The following EML1 variants were observed in gnomAD, a reference collection of about 807,000 sequenced individuals.
EML1 encodes EMAP like 1, also known as echinoderm microtubule-associated protein-like 1.
EML1 carries 27 observed loss-of-function variants against 110.4 expected under a neutral mutation model. The observed-to-expected ratio is 0.24, with a 90% CI of 0.18 to 0.34. The LOEUF (loss-of-function observed/expected upper bound fraction) is 0.34, where lower values mean the gene tolerates loss of function less well. Among genes scored for constraint, EML1 ranks in the 10% least tolerant of loss-of-function variants. EML1 has a pLI of 1.00. For missense variants in EML1, 741 were observed against 1,030.9 expected, an observed-to-expected ratio of 0.72 and a Z score of 3.85; for synonymous variants, 344 against 385.8, an observed-to-expected ratio of 0.89 and a Z score of 1.27.
At position 99,830,704 on chromosome 14, in the gene EML1, C is replaced by T. The variant is rs2058436037; in HGVS notation, c.68-20149C>T. ...TAGCTGGGATTACAGGCACCCACCACCGCCCCCAGCTAAGTTTTGTATTTT... is the reference window on the plus strand; with the variant it reads ...TAGCTGGGATTACAGGCACCCACCATCGCCCCCAGCTAAGTTTTGTATTTT... On this transcript the variant is annotated intron_variant, in intron 1 of 21. Transcript: ENST00000262233. Among the ~76,000 whole-genome samples the T allele has an allele frequency of 3.9e-5, 6 of 152,218 alleles. No individual in the cohort carries two copies. The South Asian group carries it at 1.2e-3, about 32-fold the overall frequency.
upstream of EML1, among the ~76,000 whole-genome samples, chr14:99,770,765 A>C (rs985014193): frequency 8.1e-5 from 11 of 135,094 alleles, no homozygotes; most frequent in Non-Finnish European, 1.7e-4. Context: ...TCTTCCTTAC[A>C]GCAGTTTCCG....
chr14:99,764,648 G>A (rs1216038215), intron 1 of EML1, among the ~76,000 whole-genome samples: 2 of 152,236 alleles, frequency 1.3e-5, no homozygotes, highest in African/African-American at 4.8e-5. Context: ...CCGCTGCAAG[G>A]AGAGAAGGAG....
At chr14:99,917,695 TTG>T in intron 15 of EML1, 85 bp from the exon 16 acceptor site, 1 of 1,306,932 alleles carries the variant, frequency 7.7e-7, no homozygotes, top group Non-Finnish European at 1.1e-6. Flanking sequence ...GTGTGAGCGT[TTG>T]TGTGTGCACG....
At chr14:99,832,883 CT>C (rs1566888397) in intron 1 of EML1, among the ~76,000 whole-genome samples, 1 of 151,830 alleles carries the variant, frequency 6.6e-6, no homozygotes, top group South Asian at 2.1e-4. Context: ...CCATTTTTTT[CT>C]TTTTTAAAAA....
At chr14:99,867,368 T>A (rs1315376497) in intron 3 of EML1, among the ~76,000 whole-genome samples, 1 of 152,236 alleles carries the variant, frequency 6.6e-6, no homozygotes, top group Non-Finnish European at 1.5e-5. Context: ...TGCAAAAAAA[T>A]GCCTTTGGGA....
chr14:99,887,671 A>T (rs1485557355), intron 4 of EML1, among the ~76,000 whole-genome samples: 1 of 152,180 alleles, frequency 6.6e-6, no homozygotes, highest in African/African-American at 2.4e-5. Context: ...TTGAGAAGCG[A>T]TCATCTCCCA....
chr14:99,875,155 A>C (rs1241131579), intron 3 of EML1, among the ~76,000 whole-genome samples: 2 of 152,170 alleles, frequency 1.3e-5, no homozygotes, highest in Non-Finnish European at 1.5e-5. Context: ...TAGATGCTCA[A>C]CTGGTCCTCC....
intron 5 of EML1, 84 bp downstream of exon 5, chr14:99,891,311 G>C: frequency 6.4e-7 from 1 of 1,565,152 alleles, no homozygotes; most frequent in Non-Finnish European, 8.8e-7. Context: ...GCCAGCTTCA[G>C]GGGCCAGCCT....
At chr14:99,937,601 G>C (rs1315812008) in intron 19 of EML1, among the ~76,000 whole-genome samples, 2 of 152,130 alleles carry the variant, frequency 1.3e-5, no homozygotes, top group East Asian at 1.9e-4. Flanking sequence ...AAAAAACAAA[G>C]AAGAGGGCAC....
chr14:99,789,552 C>T (rs981763796), upstream of EML1, among the ~76,000 whole-genome samples: 1 of 152,202 alleles, frequency 6.6e-6, no homozygotes, highest in Non-Finnish European at 1.5e-5. Context: ...CTTTAATTGA[C>T]TTCACGGCTA....
At chr14:99,928,953 T>C (rs916370959) in intron 17 of EML1, among the ~76,000 whole-genome samples, 1 of 152,218 alleles carries the variant, frequency 6.6e-6, no homozygotes, top group African/African-American at 2.4e-5. Flanking sequence ...CTGCATCTTA[T>C]CTTGTGTTTC....
At chr14:99,880,025 A>G (rs2059358907) in intron 4 of EML1, among the ~76,000 whole-genome samples, 1 of 152,216 alleles carries the variant, frequency 6.6e-6, no homozygotes, top group Non-Finnish European at 1.5e-5. Context: ...TTTCCATAGA[A>G]GATATTTACA....
intron 17 of EML1, among the ~76,000 whole-genome samples, chr14:99,925,621 G>C (rs1010208771): frequency 7.2e-5 from 11 of 152,214 alleles, no homozygotes; most frequent in African/African-American, 2.7e-4. Flanking sequence ...AAGCCAGTAA[G>C]GCTCCGTCCT....
chr14:99,746,345 G>A (rs1208482911), intron 1 of EML1, among the ~76,000 whole-genome samples: 2 of 152,142 alleles, frequency 1.3e-5, no homozygotes, highest in African/African-American at 4.8e-5. Flanking sequence ...CAGGACCCAA[G>A]CCCAGCAATC....
chr14:99,928,560 G>T (rs955055256), intron 17 of EML1, among the ~76,000 whole-genome samples: 1 of 152,110 alleles, frequency 6.6e-6, no homozygotes, highest in Non-Finnish European at 1.5e-5. Context: ...TGATTATGTT[G>T]TGGGAAATAC....
At chr14:99,870,976 T>G (rs78188676) in intron 3 of EML1, among the ~76,000 whole-genome samples, 2 of 151,908 alleles carry the variant, frequency 1.3e-5, no homozygotes, top group African/African-American at 4.8e-5. Context: ...TTTTTTTTTT[T>G]GAGACAGTCT....
intron 9 of EML1, among the ~76,000 whole-genome samples, chr14:99,901,371 G>T (rs767236731): frequency 6.6e-6 from 1 of 152,122 alleles, no homozygotes; most frequent in Non-Finnish European, 1.5e-5. Context: ...TGGCTCCAGC[G>T]TGTCTGTCTC....
At chr14:99,759,035 C>T (rs1227321684) in intron 1 of EML1, among the ~76,000 whole-genome samples, 2 of 152,210 alleles carry the variant, frequency 1.3e-5, no homozygotes, top group Non-Finnish European at 2.9e-5. Context: ...CTTACGGAGG[C>T]CCCAGCAGTT....
At chr14:99,752,885 A>G (rs1359596370) in intron 1 of EML1, among the ~76,000 whole-genome samples, 2 of 152,186 alleles carry the variant, frequency 1.3e-5, no homozygotes. Context: ...AACCTGAATA[A>G]GGAAACAAAC....
Sources: allele counts gnomAD v4.1 joint callset (sites outside exome capture counted in the v4.1 genomes callset), GRCh38; gene constraint gnomAD v4.1.1; transcripts MANE v1.5; gene names NCBI Gene and HGNC (gene_info 2026-07-23, HGNC 2026-07-21).